Variants in CWC27 observed in about 807,000 individuals in gnomAD.
CWC27 encodes the protein spliceosome-associated protein CWC27 homolog.
In CWC27, 47 loss-of-function variants were observed where a neutral mutation model predicts 63.6. The observed-to-expected ratio is 0.74, with a 90% CI of 0.58 to 0.94. The LOEUF (loss-of-function observed/expected upper bound fraction) is 0.94. CWC27 is among the 40% of genes least tolerant of loss of function. The pLI is 0.00. For synonymous variants in CWC27, 175 were observed against 179.8 expected (o/e 0.97, Z 0.22); for missense variants, 495 against 554.3 (o/e 0.89, Z 1.07).
chr5:65,017,296 G>A (rs1412765796), intron 13 of CWC27, among the ~76,000 whole-genome samples: 2 of 152,052 alleles, frequency 1.3e-5, no homozygotes, highest in African/African-American at 4.8e-5. Flanking sequence ...ACTCCAGCCT[G>A]GGCAACAGAG....
intron 11 of CWC27, among the ~76,000 whole-genome samples, chr5:64,936,430 A>G (rs1405078690): frequency 6.6e-6 from 1 of 152,170 alleles, no homozygotes; most frequent in Non-Finnish European, 1.5e-5. Flanking sequence ...TGAACCAGCC[A>G]TGCATCCCAG....
intron 13 of CWC27, among the ~76,000 whole-genome samples, chr5:65,017,003 G>A (rs1750058882): frequency 6.6e-6 from 1 of 152,172 alleles, no homozygotes; most frequent in African/African-American, 2.4e-5. Context: ...GGTAGGAAAA[G>A]ACTTAAGAGT....
chr5:64,934,335 G>A (rs1048850404), intron 11 of CWC27, among the ~76,000 whole-genome samples: 1 of 152,262 alleles, frequency 6.6e-6, no homozygotes, highest in Middle Eastern at 3.4e-3. Flanking sequence ...TCCCACTTAT[G>A]AGTGAGAACA....
rs763100048 is a variant in CWC27, at chr5:64,800,283, G to T, written c.705G>T (p.Leu235Phe). ...MKGKSKSSHD[L>F]LKDDPHLSSV... ...GCAAAAGCAAAAGTAGTCATGACTT[G>T]CTTAAGGATGATCCACATCTCAGTT... Residue 235 changes from leucine to phenylalanine, a missense_variant, in exon 8 of 14, where the codon TTG (leucine) becomes TTT (phenylalanine). Leu to Phe is a conservative substitution (Grantham distance 22, BLOSUM62 0). This residue lies in a region of CWC27 where 463 missense variants were observed against 498.1 expected (regional missense o/e 0.93). Coordinates refer to ENST00000381070, the MANE Select transcript of CWC27 (RefSeq NM_005869.4). 12 of 1,612,666 alleles carry T rather than the reference G, an allele frequency of 7.4e-6. No individual in the cohort carries two copies. Among genetic ancestry groups the T allele is most frequent in the Admixed American group, 1.7e-5 (1 of 59,894 alleles).
chr5:64,812,832 A>G (rs1230100248), intron 10 of CWC27, among the ~76,000 whole-genome samples: 3 of 152,168 alleles, frequency 2.0e-5, no homozygotes, highest in Non-Finnish European at 4.4e-5. Context: ...AAGAATTGTC[A>G]ACAATTAATT....
At chr5:64,960,529 C>G (rs1193232873) in intron 11 of CWC27, among the ~76,000 whole-genome samples, 2 of 151,704 alleles carry the variant, frequency 1.3e-5, no homozygotes, top group African/African-American at 4.8e-5. Flanking sequence ...AATTTAAGAT[C>G]TGGTATATTA....
intron 12 of CWC27, among the ~76,000 whole-genome samples, chr5:64,974,896 A>G (rs1024618216): frequency 6.6e-5 from 10 of 152,212 alleles, no homozygotes; most frequent in Admixed American, 3.3e-4. Context: ...ACAATGGACT[A>G]TTTTTAATGA....
chr5:64,852,996 A>G (rs1746172286), intron 10 of CWC27, among the ~76,000 whole-genome samples: 1 of 152,080 alleles, frequency 6.6e-6, no homozygotes, highest in African/African-American at 2.4e-5. Context: ...GAAACTACAG[A>G]CTATGGTATT....
At chr5:64,818,464 T>C (rs945455121) in intron 10 of CWC27, among the ~76,000 whole-genome samples, 4 of 152,166 alleles carry the variant, frequency 2.6e-5, no homozygotes, top group African/African-American at 9.6e-5. Flanking sequence ...CTCACAATAT[T>C]GACAGTAACT....
At chr5:64,855,847 C>T (rs969892346) in intron 10 of CWC27, among the ~76,000 whole-genome samples, 3 of 152,054 alleles carry the variant, frequency 2.0e-5, no homozygotes, top group Non-Finnish European at 2.9e-5. Context: ...TTTATTTGGA[C>T]ATTTCCCCTC....
intron 13 of CWC27, among the ~76,000 whole-genome samples, chr5:64,982,255 A>G (rs1749341967): frequency 6.6e-6 from 1 of 152,192 alleles, no homozygotes; most frequent in Non-Finnish European, 1.5e-5. Context: ...TACCTTTTAT[A>G]TGTAATACAT....
At chr5:64,820,244 A>C (rs1197280987) in intron 10 of CWC27, among the ~76,000 whole-genome samples, 1 of 152,222 alleles carries the variant, frequency 6.6e-6, no homozygotes, top group Non-Finnish European at 1.5e-5. Context: ...CTGACATGGA[A>C]ATATACTATG....
intron 11 of CWC27, among the ~76,000 whole-genome samples, chr5:64,954,412 C>T (rs972796285): frequency 1.3e-5 from 2 of 151,992 alleles, no homozygotes; most frequent in Non-Finnish European, 2.9e-5. Context: ...ACTCATCCTC[C>T]CAAGTAGCTA....
chr5:64,842,044 C>T (rs1745858107), intron 10 of CWC27, among the ~76,000 whole-genome samples: 1 of 152,218 alleles, frequency 6.6e-6, no homozygotes, highest in Non-Finnish European at 1.5e-5. Context: ...AGACCTAATA[C>T]AGCCTGCCAT....
chr5:64,919,816 G>A (rs957469342), intron 11 of CWC27, among the ~76,000 whole-genome samples: 15 of 152,158 alleles, frequency 9.9e-5, no homozygotes, highest in African/African-American at 3.1e-4. Flanking sequence ...TCTGAGCTTG[G>A]TTGTTATCAA....
intron 13 of CWC27, among the ~76,000 whole-genome samples, chr5:64,990,698 A>G (rs568567037): frequency 6.6e-6 from 1 of 152,342 alleles, no homozygotes; most frequent in South Asian, 2.1e-4. Flanking sequence ...CTGCTGTCAT[A>G]CAACCCTTAC....
At chr5:64,877,630 T>A (rs1438407118) in intron 10 of CWC27, among the ~76,000 whole-genome samples, 1 of 152,032 alleles carries the variant, frequency 6.6e-6, no homozygotes, top group Non-Finnish European at 1.5e-5. Context: ...ACTTTACCAT[T>A]ACGTATTCTA....
chr5:64,900,851 T>C (rs559545550), intron 11 of CWC27, among the ~76,000 whole-genome samples: 1 of 152,340 alleles, frequency 6.6e-6, no homozygotes, highest in Non-Finnish European at 1.5e-5. Context: ...AACTAGATAG[T>C]ATAGTTTACT....
chr5:65,002,118 C>G (rs1300390319), intron 13 of CWC27, among the ~76,000 whole-genome samples: 1 of 151,990 alleles, frequency 6.6e-6, no homozygotes, highest in Admixed American at 6.6e-5. Context: ...TCACAGTAGC[C>G]TCTAAAGATC....
Sources: gnomAD v4.1 joint callset for allele counts (sites outside exome capture counted in the v4.1 genomes callset) on GRCh38, gnomAD v4.1.1 for gene constraint, gnomAD v4.1.1 regional missense constraint, MANE v1.5 for transcripts, NCBI Gene and HGNC (gene_info 2026-07-23, HGNC 2026-07-21) for gene names.